The following TRPM8 variants were observed in gnomAD, a reference collection of about 807,000 sequenced individuals.
TRPM8 encodes the protein TRPM8 cationic channel.
TRPM8 carries 110 observed loss-of-function variants against 133.7 expected under a neutral mutation model. The ratio of observed to expected loss-of-function variants is 0.82; its 90% CI spans 0.70 to 0.96. TRPM8 has a LOEUF of 0.96. Ranked by LOEUF, TRPM8 falls within the 40% of genes least tolerant of loss-of-function variation. The pLI, the probability that TRPM8 is intolerant of heterozygous loss-of-function variation, is 0.00. For missense variants in TRPM8, 1,291 were observed against 1,379.5 expected, an observed-to-expected ratio of 0.94 and a Z score of 1.02; for synonymous variants, 535 against 532.3, an observed-to-expected ratio of 1.01 and a Z score of -0.07.
intron 11 of TRPM8, among the ~76,000 whole-genome samples, chr2:233,958,187 T>G (rs1481548618): frequency 2.0e-5 from 3 of 152,162 alleles, no homozygotes; most frequent in Non-Finnish European, 4.4e-5. Context: ...TGCTGATAGT[T>G]TTTTGAGGGC....
chr2:233,999,646 C>T (rs1036843821), intron 22 of TRPM8, among the ~76,000 whole-genome samples: 3 of 152,100 alleles, frequency 2.0e-5, no homozygotes, highest in East Asian at 1.9e-4. Context: ...TCTCACTGCC[C>T]GTCCTACTCC....
intron 1 of TRPM8, 30 bp from the exon 2 acceptor site, chr2:233,926,503 C>A: frequency 6.4e-7 from 1 of 1,565,742 alleles, no homozygotes; most frequent in Non-Finnish European, 8.8e-7. Context: ...GTTTGTAACC[C>A]AAACTTATCC....
In TRPM8 at chr2:233,939,115, G is replaced by T. The variant is rs1311288834; in HGVS notation, c.466G>T (p.Ala156Ser). ...ISVTGGAKNF[A>S]LKPRMRKIFS... is the part of the protein sequence containing the mutation. ...TGTGACCGGGGGCGCCAAGAACTTC[G>T]CCCTGAAGCCGCGCATGCGCAAGAT... Residue 156 changes from alanine to serine, a missense_variant, in exon 5 of 26, where the codon GCC (alanine) becomes TCC (serine). This residue lies in a region of TRPM8 where 963 missense variants were observed against 968.9 expected (regional missense o/e 0.99). Transcript: ENST00000324695. 1 of 1,614,112 alleles carries T rather than the reference G, an allele frequency of 6.2e-7. No individual in the cohort carries two copies. Among genetic ancestry groups the T allele is most frequent in the Admixed American group, 1.7e-5 (1 of 60,026 alleles).
intron 21 of TRPM8, among the ~76,000 whole-genome samples, chr2:233,994,184 GC>G (rs1187314473): frequency 1.3e-4 from 20 of 152,312 alleles, no homozygotes; most frequent in Admixed American, 9.1e-4. Flanking sequence ...CTAATCGGGG[GC>G]TGCTGCATGC....
intron 11 of TRPM8, among the ~76,000 whole-genome samples, chr2:233,958,451 C>T (rs937709303): frequency 6.6e-6 from 1 of 152,108 alleles, no homozygotes; most frequent in African/African-American, 2.4e-5. Context: ...GCACTTGTTA[C>T]CTTGGAAATC....
At chr2:233,923,036 TTTTTTTGTTGTTGTTG>T (rs1691440321) in intron 1 of TRPM8, among the ~76,000 whole-genome samples, 1 of 151,940 alleles carries the variant, frequency 6.6e-6, no homozygotes, top group African/African-American at 2.4e-5. Flanking sequence ...CCTGGCTAAT[TTTTTTTGTTGTTGTTG>T]TTAGAGATGG....
At chr2:233,941,123 A>G (rs1256857025) in intron 5 of TRPM8, among the ~76,000 whole-genome samples, 1 of 152,230 alleles carries the variant, frequency 6.6e-6, no homozygotes, top group Non-Finnish European at 1.5e-5. Context: ...CTAGTTCCTG[A>G]AAAACAACTT....
intron 5 of TRPM8, among the ~76,000 whole-genome samples, chr2:233,939,378 ACT>A (rs1221954390): frequency 6.6e-6 from 1 of 152,122 alleles, no homozygotes; most frequent in African/African-American, 2.4e-5. Context: ...TCACACAGTA[ACT>A]CTAAATCAGC....
intron 24 of TRPM8, chr2:234,013,421 A>G (rs1207502206): frequency 1.3e-5 from 2 of 152,162 alleles, no homozygotes; most frequent in Admixed American, 6.6e-5. Context: ...TTGTTTGCAT[A>G]TAATTGTTCA....
At chr2:233,955,903 G>A (rs890130927) in intron 11 of TRPM8, among the ~76,000 whole-genome samples, 2 of 152,114 alleles carry the variant, frequency 1.3e-5, no homozygotes, top group African/African-American at 4.8e-5. Flanking sequence ...GGCGGTATTC[G>A]ATTCCTATAG....
At chr2:233,980,005 C>A in intron 17 of TRPM8, 183 bp from the exon 18 acceptor site, 1 of 595,988 alleles carries the variant, frequency 1.7e-6, no homozygotes. Flanking sequence ...GTGCTACCTA[C>A]TTTCCAATCC....
intron 14 of TRPM8, 54 bp downstream of exon 14, chr2:233,964,811 G>A (rs1691526450): frequency 1.3e-6 from 2 of 1,533,178 alleles, no homozygotes. Flanking sequence ...ATGTGGCACA[G>A]ACATTGCCAG....
chr2:234,000,814 G>T (rs1055550266), intron 22 of TRPM8, among the ~76,000 whole-genome samples: 1 of 152,054 alleles, frequency 6.6e-6, no homozygotes, highest in Non-Finnish European at 1.5e-5. Context: ...GAGTAGCTGG[G>T]ATTACAGGCG....
intron 17 of TRPM8, among the ~76,000 whole-genome samples, chr2:233,979,052 C>T (rs538759243): frequency 7.9e-5 from 12 of 152,274 alleles, no homozygotes; most frequent in South Asian, 4.1e-4. Context: ...ACTTGCTGAG[C>T]GAGTTCCTTA....
intron 21 of TRPM8, among the ~76,000 whole-genome samples, chr2:233,986,215 T>G (rs2125305236): frequency 6.6e-6 from 1 of 152,330 alleles, no homozygotes; most frequent in Non-Finnish European, 1.5e-5. Flanking sequence ...CCAAAGTGCC[T>G]TATATGTTAT....
chr2:233,997,671 C>T (rs1692444170), intron 22 of TRPM8, among the ~76,000 whole-genome samples: 2 of 152,124 alleles, frequency 1.3e-5, no homozygotes, highest in African/African-American at 4.8e-5. Flanking sequence ...GGTGGCTCCC[C>T]CCTACCCCAG....
chr2:233,966,010 G>C (rs1691561443), intron 14 of TRPM8: 1 of 152,392 alleles, frequency 6.6e-6, no homozygotes, highest in South Asian at 2.1e-4. Context: ...CACCACACCC[G>C]GCTAATTCTT....
intron 12 of TRPM8, among the ~76,000 whole-genome samples, chr2:233,962,088 A>G (rs1691452787): frequency 6.6e-6 from 1 of 152,256 alleles, no homozygotes; most frequent in Non-Finnish European, 1.5e-5. Flanking sequence ...GGACTGAAGA[A>G]TGGACACGTG....
intron 21 of TRPM8, among the ~76,000 whole-genome samples, chr2:233,993,921 C>A (rs1692342508): frequency 6.6e-6 from 1 of 152,154 alleles, no homozygotes; most frequent in Non-Finnish European, 1.5e-5. Flanking sequence ...TTTGGGAAGT[C>A]AGTATAATCC....
Sources: gnomAD v4.1 joint callset for allele counts (sites outside exome capture counted in the v4.1 genomes callset) on GRCh38, gnomAD v4.1.1 for gene constraint, gnomAD v4.1.1 regional missense constraint, MANE v1.5 for transcripts, NCBI Gene and HGNC (gene_info 2026-07-23, HGNC 2026-07-21) for gene names.